The following MTM1 variants were observed in gnomAD, a reference collection of about 807,000 sequenced individuals.
MTM1 encodes the protein myotubularin.
A neutral mutation model predicts 52.1 loss-of-function variants in MTM1; 9 were observed. The observed-to-expected ratio is 0.17, with a 90% CI of 0.10 to 0.30. The LOEUF is 0.30. Ranked by LOEUF, MTM1 falls within the 10% of genes least tolerant of loss-of-function variation. The pLI, the probability that MTM1 is intolerant of heterozygous loss-of-function variation, is 1.00. For missense variants in MTM1, 277 were observed against 470.7 expected, an observed-to-expected ratio of 0.59 and a Z score of 3.81; for synonymous variants, 136 against 163.8, an observed-to-expected ratio of 0.83 and a Z score of 1.29.
intron 6 of MTM1, among the ~76,000 whole-genome samples, chrX:150,634,627 G>A (rs17253097): frequency 9.0e-6 from 1 of 110,537 alleles, no homozygotes; most frequent in African/African-American, 3.3e-5. Context: ...AAGTCTCCAT[G>A]TACAGTATCT....
chrX:150,579,629 G>A (rs1316349525), intron 1 of MTM1, among the ~76,000 whole-genome samples: 4 of 109,908 alleles, frequency 3.6e-5, no homozygotes, highest in Non-Finnish European at 7.6e-5. Flanking sequence ...TCAAGTAGCT[G>A]AAGACTACAG....
chrX:150,650,683 G>C (rs929158656), intron 10 of MTM1, among the ~76,000 whole-genome samples: 5 of 110,742 alleles, frequency 4.5e-5, no homozygotes, highest in Non-Finnish European at 9.5e-5. Context: ...CCCCCACACT[G>C]GCAGCATTCA....
intron 4 of MTM1, among the ~76,000 whole-genome samples, chrX:150,599,715 C>T (rs1557412708): frequency 9.0e-6 from 1 of 111,383 alleles, no homozygotes. Context: ...TTATAGCTGC[C>T]CCAACTTCTG....
chrX:150,629,144 C>G (rs1218315655), intron 6 of MTM1, among the ~76,000 whole-genome samples: 1 of 111,789 alleles, frequency 8.9e-6, no homozygotes, highest in African/African-American at 3.3e-5. Flanking sequence ...CCAGTTCCTC[C>G]CTCTCTGTCA....
At chrX:150,647,712 G>T (rs1432444817) in intron 9 of MTM1, among the ~76,000 whole-genome samples, 1 of 112,074 alleles carries the variant, frequency 8.9e-6, no homozygotes, top group Admixed American at 9.5e-5. Flanking sequence ...CTGACCTTCT[G>T]TTCTCCTTGG....
At position 150,611,728 on chromosome X, in the gene MTM1, C is replaced by G. The variant is rs190979207; in HGVS notation, c.232-2861C>G. Among the ~76,000 whole-genome samples, 4 of 111,813 alleles carry G rather than the reference C, an allele frequency of 3.6e-5. No homozygotes were observed. In the Admixed American group the frequency reaches 3.8e-4, roughly 11 times the overall value. ...ATCCCAGGTAACCACCATCAATAAT[C>G]AAGACATGGAACTGTTCTGTCACCA... On this transcript the variant is annotated intron_variant, in intron 4 of 14. Transcript: ENST00000370396.
intron 1 of MTM1, among the ~76,000 whole-genome samples, chrX:150,570,410 A>C (rs1158399231): frequency 8.9e-6 from 1 of 111,898 alleles, no homozygotes; most frequent in Non-Finnish European, 1.9e-5. Flanking sequence ...AAATAAATCC[A>C]AAAGTAAATC....
chrX:150,619,853 G>T lies in MTM1; in HGVS notation c.444+714G>T, dbSNP rs193185611. ...AAAATAATTATTTACAACATATACT[G>T]TATAAATGCCTTTATCTTAAGTATA... On this transcript the variant is annotated intron_variant, in intron 6 of 14. Coordinates refer to ENST00000370396, the MANE Select transcript of MTM1 (RefSeq NM_000252.3). 7.2e-5 allele frequency among the ~76,000 whole-genome samples: 8 copies of T among 111,562 alleles called. No homozygotes were observed. The East Asian group carries it at 1.7e-3, about 24-fold the overall frequency.
chrX:150,619,176 T>C (rs1376839882), intron 6 of MTM1, 37 bp downstream of exon 6: 2 of 999,228 alleles, frequency 2.0e-6, no homozygotes, highest in African/African-American at 3.8e-5. Flanking sequence ...GGGAAGGTTC[T>C]CAGTGCCTCC....
At chrX:150,597,060 C>T (rs782451912) in intron 3 of MTM1, 3 of 123,161 alleles carry the variant, frequency 2.4e-5, no homozygotes, top group South Asian at 5.4e-4. Flanking sequence ...TCATGATAAA[C>T]GTATACTAAA....
At chrX:150,627,114 A>T (rs1467398997) in intron 6 of MTM1, among the ~76,000 whole-genome samples, 1 of 111,341 alleles carries the variant, frequency 9.0e-6, no homozygotes, top group East Asian at 2.8e-4. Context: ...GCTCGCATCC[A>T]TTCACTCCAT....
intron 14 of MTM1, among the ~76,000 whole-genome samples, chrX:150,669,969 T>C (rs1389737412): frequency 1.1e-4 from 12 of 112,144 alleles, no homozygotes; most frequent in Admixed American, 9.5e-4. Context: ...CTGAATGGTA[T>C]TGCCTAGGTT....
intron 1 of MTM1, among the ~76,000 whole-genome samples, chrX:150,571,743 T>C (rs140118315): frequency 0.022 from 2,491 of 112,413 alleles, 29 homozygotes; most frequent in Middle Eastern, 0.074. Context: ...AGCAGTGTCC[T>C]CCGTTCTTGC....
chrX:150,639,548 A>G (rs1322480718), intron 7 of MTM1, among the ~76,000 whole-genome samples: 1 of 112,373 alleles, frequency 8.9e-6, no homozygotes, highest in African/African-American at 3.2e-5. Context: ...CTCTTATATG[A>G]ATGTCACCTA....
chrX:150,586,189 A>G (rs1475326750), intron 1 of MTM1, among the ~76,000 whole-genome samples: 1 of 112,491 alleles, frequency 8.9e-6, no homozygotes, highest in Non-Finnish European at 1.9e-5. Flanking sequence ...AAGAGGAATC[A>G]TCAAACCAAA....
the MTM1 span, among the ~76,000 whole-genome samples, chrX:150,563,182 C>CCAG: frequency 9.1e-6 from 1 of 110,222 alleles, no homozygotes; most frequent in African/African-American, 3.3e-5. Flanking sequence ...CTTCAAGACC[C>CCAG]CAGTCCTCTT....
At chrX:150,651,009 T>C (rs1313171581) in intron 10 of MTM1, among the ~76,000 whole-genome samples, 1 of 111,468 alleles carries the variant, frequency 9.0e-6, no homozygotes, top group Non-Finnish European at 1.9e-5. Flanking sequence ...CCTTCCACTT[T>C]CTTCAAGGAC....
At chrX:150,662,428 A>T (rs2040236468) in intron 13 of MTM1, among the ~76,000 whole-genome samples, 1 of 111,529 alleles carries the variant, frequency 9.0e-6, no homozygotes, top group African/African-American at 3.3e-5. Flanking sequence ...GGTTCAAGCA[A>T]TTCTCCTGCC....
At chrX:150,635,971 A>G (rs181719829) in intron 6 of MTM1, among the ~76,000 whole-genome samples, 37 of 112,288 alleles carry the variant, frequency 3.3e-4, no homozygotes, top group Middle Eastern at 4.6e-3. Flanking sequence ...ATGTGTTGCT[A>G]TGTGCTTCAC....
Sources: allele counts gnomAD v4.1 joint callset (sites outside exome capture counted in the v4.1 genomes callset), GRCh38; gene constraint gnomAD v4.1.1; transcripts MANE v1.5; gene names NCBI Gene and HGNC (gene_info 2026-07-23, HGNC 2026-07-21).